The following ARHGEF1 variants were observed in gnomAD, a reference collection of about 807,000 sequenced individuals.
ARHGEF1 encodes the protein 115 kDa guanine nucleotide exchange factor.
A neutral mutation model predicts 119.7 loss-of-function variants in ARHGEF1; 40 were observed. The observed-to-expected ratio is 0.33, with a 90% CI of 0.26 to 0.44. The LOEUF (loss-of-function observed/expected upper bound fraction) is 0.44, where lower values mean the gene tolerates loss of function less well. Among genes scored for constraint, ARHGEF1 ranks in the 20% least tolerant of loss-of-function variants. The probability of loss-of-function intolerance (pLI) is 1.00; values close to 1 mark genes in which losing one functional copy is unlikely to be tolerated. For missense variants in ARHGEF1, 976 were observed against 1,268.3 expected, an observed-to-expected ratio of 0.77 and a Z score of 3.50; for synonymous variants, 494 against 521.0, an observed-to-expected ratio of 0.95 and a Z score of 0.71.
Position 41,917,916 on chromosome 19 carries a change from G to GTCACACACTGTGTGTGTGTGTGC in ARHGEF1, c.1866-5167_1866-5145dup, listed in dbSNP as rs1204062704. Among the ~76,000 whole-genome samples the GTCACACACTGTGTGTGTGTGTGC allele has an allele frequency of 2.0e-5, 3 of 151,856 alleles. No individual in the cohort carries two copies. The highest frequency in any genetic ancestry group is 2.9e-5 in the Non-Finnish European group (2 of 67,964). ...GGGTGCACGAAGCCAGCTCCCCGCGGTCACACACTGTGTGTGTGTGTGCTC... is the reference window on the plus strand; with the variant it reads ...GGGTGCACGAAGCCAGCTCCCCGCGGTCACACACTGTGTGTGTGTGTGCTCACACACTGTGTGTGTGTGTGCTC... On this transcript the variant is annotated intron_variant, in intron 18 of 20. Transcript: ENST00000599589. This position sits in a 1 kb window ranked among gnomAD's most constrained non-coding sequence, Gnocchi z 4.8.
At chr19:41,927,384 T>C (rs550699875) in intron 1 of ARHGEF1, among the ~76,000 whole-genome samples, 3 of 152,090 alleles carry the variant, frequency 2.0e-5, no homozygotes, top group African/African-American at 7.2e-5. Flanking sequence ...ATACCAAATA[T>C]CCAGACCCCA....
chr19:41,900,673 G>C (rs1427200750), intron 14 of ARHGEF1, among the ~76,000 whole-genome samples: 1 of 151,862 alleles, frequency 6.6e-6, no homozygotes, highest in African/African-American at 2.4e-5. Flanking sequence ...ATTTGCTCAG[G>C]ATATTCACAG....
chr19:41,894,394 T>C (rs1394912436), intron 9 of ARHGEF1, 57 bp from the exon 10 acceptor site: 4 of 1,522,486 alleles, frequency 2.6e-6, no homozygotes, highest in Non-Finnish European at 3.5e-6. Flanking sequence ...CGTCAAATTC[T>C]GCTTTGTTGT....
intron 13 of ARHGEF1, chr19:41,897,779 C>A: frequency 3.3e-6 from 2 of 598,406 alleles, no homozygotes. Context: ...CCTCGTCTCT[C>A]CCCAATTTCT....
chr19:41,912,578 G>A (rs2074759395), intron 18 of ARHGEF1, among the ~76,000 whole-genome samples: 1 of 152,184 alleles, frequency 6.6e-6, no homozygotes, highest in South Asian at 2.1e-4. Context: ...GGATGCCCGG[G>A]CCTCGGGCCC....
chr19:41,893,173 C>A, intron 7 of ARHGEF1, 101 bp from the exon 8 acceptor site: 1 of 1,497,110 alleles, frequency 6.7e-7, no homozygotes, highest in South Asian at 1.2e-5. Flanking sequence ...TGTCTCTCTT[C>A]CCCCTGCCTA....
At chr19:41,884,568 C>A (rs2074265044) in intron 1 of ARHGEF1, 2 of 1,562,958 alleles carry the variant, frequency 1.3e-6, no homozygotes, top group African/African-American at 2.7e-5. Flanking sequence ...GCCGTGCACA[C>A]TGCCACGTCC....
intron 1 of ARHGEF1, among the ~76,000 whole-genome samples, chr19:41,926,600 G>A (rs2074871815): frequency 6.6e-6 from 1 of 152,152 alleles, no homozygotes; most frequent in African/African-American, 2.4e-5. Context: ...CCTGGGTGGG[G>A]CACAGAGTTA....
rs1447045318 is a variant in ARHGEF1, at chr19:41,892,475, C to T, written c.367+102C>T. The stretch of plus-strand genomic sequence containing the variant: ...GCACTCCCATGCTCTGCTCGGACAG[C>T]CGAGATTCATTCATTCCTTCTTGGC... On this transcript the variant is annotated intron_variant, in intron 6 of 28. Transcript: ENST00000354532. The surrounding 1 kb of genome is among the most constrained non-coding windows in gnomAD (Gnocchi z 6.3). 1 of 1,592,858 alleles carries T rather than the reference C, an allele frequency of 6.3e-7. No individual in the cohort carries two copies. The highest frequency in any genetic ancestry group is 1.3e-5 in the African/African-American group (1 of 74,642).
At chr19:41,910,539 C>G (rs2074746007), downstream of ARHGEF1, among the ~76,000 whole-genome samples, 1 of 152,146 alleles carries the variant, frequency 6.6e-6, no homozygotes, top group Non-Finnish European at 1.5e-5. This position sits in a 1 kb window ranked among gnomAD's most constrained non-coding sequence, Gnocchi z 4.4. Context: ...GTTCCCCATT[C>G]CCTGTCCCCT....
Position 41,912,663 on chromosome 19 carries a change from G to A in ARHGEF1, c.1865+5860G>A, listed in dbSNP as rs2074760232. Among the ~76,000 whole-genome samples the A allele has an allele frequency of 3.9e-5, 6 of 152,328 alleles. No homozygotes were observed. The South Asian group carries it at 1.2e-3, about 32-fold the overall frequency. The stretch of plus-strand genomic sequence containing the variant: ...TATCCCCCCAGCACGCAGGGGGCAG[G>A]GGAATCTGGCTGCGAAGTTTTTAGC... On this transcript the variant is annotated intron_variant, in intron 18 of 20. Transcript: ENST00000599589.
Position 41,894,611 on chromosome 19 carries a change from T to A in ARHGEF1, c.842-15T>A. On this transcript the variant is annotated splice_polypyrimidine_tract_variant and intron_variant, in intron 10 of 28. Transcript: ENST00000354532. ...CAGCTGCTCCCACTCACTGTCTCATTCTCTCTCGTTTCAGTTCCAGATTTT... is the reference window on the plus strand; with the variant it reads ...CAGCTGCTCCCACTCACTGTCTCATACTCTCTCGTTTCAGTTCCAGATTTT... 1 of 1,614,044 alleles carries A rather than the reference T, an allele frequency of 6.2e-7. No individual in the cohort carries two copies.
chr19:41,903,972 CT>C lies in ARHGEF1; in HGVS notation c.1918-62del. 1 of 1,526,254 alleles carries C rather than the reference CT, an allele frequency of 6.6e-7. No individual in the cohort carries two copies. Among genetic ancestry groups the C allele is most frequent in the Non-Finnish European group, 9.1e-7 (1 of 1,102,882 alleles). 94.5% of individuals were successfully genotyped at this position (1,526,254 alleles called of 1,614,324 possible). A position where few individuals can be genotyped will look rare whatever the true frequency, so the allele number is the denominator to read the frequency against. ...CCCCGGCCACTGCCCTGCCCTTCCC[CT>C]CCCCACCAACCCCAATCACCCCCTG... On this transcript the variant is annotated intron_variant, in intron 20 of 28. Coordinates refer to ENST00000354532, the MANE Select transcript of ARHGEF1 (RefSeq NM_004706.4). The surrounding 1 kb of genome is among the most constrained non-coding windows in gnomAD (Gnocchi z 4.2).
In ARHGEF1 at chr19:41,904,140, G is replaced by C. The variant is rs1475424191; in HGVS notation, c.1993+30G>C. ...GTGCCAGAGCAGCTGCCTAGTGCAG[G>C]GTGTTGGGGCAGTGAGCCAAGGGCG... is the stretch of plus-strand genomic sequence containing the variant. On this transcript the variant is annotated intron_variant, in intron 21 of 28. Transcript: ENST00000354532. This position sits in a 1 kb window ranked among gnomAD's most constrained non-coding sequence, Gnocchi z 8.4. 4 of 1,614,072 alleles carry C rather than the reference G, an allele frequency of 2.5e-6. No homozygotes were observed. The highest frequency in any genetic ancestry group is 3.4e-6 in the Non-Finnish European group (4 of 1,180,018).
downstream of ARHGEF1, chr19:41,908,136 A>G: frequency 9.6e-7 from 1 of 1,043,808 alleles, no homozygotes; most frequent in East Asian, 3.2e-5. This position sits in a 1 kb window ranked among gnomAD's most constrained non-coding sequence, Gnocchi z 6.7. Flanking sequence ...GGAGGTGCTG[A>G]GGGCTGGTCC....
At position 41,903,983 on chromosome 19, in the gene ARHGEF1, C is replaced by T; in HGVS notation, c.1918-52C>T. On this transcript the variant is annotated intron_variant, in intron 20 of 28. Coordinates refer to ENST00000354532, the MANE Select transcript of ARHGEF1 (RefSeq NM_004706.4). The surrounding 1 kb of genome is among the most constrained non-coding windows in gnomAD (Gnocchi z 4.2). ...GCCCTGCCCTTCCCCTCCCCACCAA[C>T]CCCAATCACCCCCTGCCAACCTGCA... 4.3e-6 allele frequency: 6 copies of T among 1,408,544 alleles called. No homozygotes were observed. Among genetic ancestry groups the T allele is most frequent in the Non-Finnish European group, 6.0e-6 (6 of 995,994 alleles). 87.3% of individuals were successfully genotyped at this position (1,408,544 alleles called of 1,614,324 possible).
At chr19:41,907,675 C>A (rs1555850708), downstream of ARHGEF1, 2 of 402,004 alleles carry the variant, frequency 5.0e-6, no homozygotes, top group Non-Finnish European at 8.9e-6. Flanking sequence ...CACCCCCGAT[C>A]CCCCATGCTC....
In ARHGEF1 at chr19:41,904,026, C is replaced by T; in HGVS notation, c.1918-9C>T. 1 of 1,614,024 alleles carries T rather than the reference C, an allele frequency of 6.2e-7. No individual in the cohort carries two copies. The highest frequency in any genetic ancestry group is 8.5e-7 in the Non-Finnish European group (1 of 1,179,958). On this transcript the variant is annotated splice_polypyrimidine_tract_variant and intron_variant, in intron 20 of 28. Transcript: ENST00000354532. The surrounding 1 kb of genome is among the most constrained non-coding windows in gnomAD (Gnocchi z 8.4). ...AACCTGCACAAACCATCACCCCCTC[C>T]TGCCCCAGAACCTGGACATCACCAA... is the stretch of plus-strand genomic sequence containing the variant.
rs533024661 is a variant in ARHGEF1, at chr19:41,902,221, G to A, written c.1415-53G>A. 42 of 1,606,382 alleles carry A rather than the reference G, an allele frequency of 2.6e-5. No individual in the cohort carries two copies. The highest frequency in any genetic ancestry group is 4.5e-5 in the East Asian group (2 of 44,826). ...CCCCCACCACACCGCAGCAGGCCCCGCACAGCATCTTCCAGACCCTGGTGG... is the reference window on the plus strand; with the variant it reads ...CCCCCACCACACCGCAGCAGGCCCCACACAGCATCTTCCAGACCCTGGTGG... On this transcript the variant is annotated intron_variant, in intron 15 of 28. Transcript: ENST00000354532. The surrounding 1 kb of genome is among the most constrained non-coding windows in gnomAD (Gnocchi z 6.5).
Sources: gnomAD v4.1 joint callset for allele counts (sites outside exome capture counted in the v4.1 genomes callset) on GRCh38, gnomAD v4.1.1 for gene constraint, Gnocchi (gnomAD v3.1) non-coding constraint, MANE v1.5 for transcripts, NCBI Gene and HGNC (gene_info 2026-07-23, HGNC 2026-07-21) for gene names.